The following KANK1 variants were observed in gnomAD, a reference collection of about 807,000 sequenced individuals.
KANK1 encodes the protein KN motif and ankyrin repeat domains 1.
KANK1 carries 109 observed loss-of-function variants against 106.2 expected under a neutral mutation model. The ratio of observed to expected loss-of-function variants is 1.03; its 90% CI spans 0.88 to 1.20. KANK1 has a LOEUF of 1.20. KANK1 is among the 50% of genes most tolerant of loss of function. The pLI is 0.00. For synonymous variants in KANK1, 873 were observed against 652.2 expected (o/e 1.34, Z -5.16); for missense variants, 2,399 against 1,710.7 (o/e 1.40, Z -7.10).
chr9:739,267 A>G (rs566985978), intron 8 of KANK1, among the ~76,000 whole-genome samples: 25 of 152,162 alleles, frequency 1.6e-4, no homozygotes, highest in Non-Finnish European at 3.1e-4. Flanking sequence ...ACATATTTTT[A>G]TTTCTAGTAT....
chr9:589,722 T>C (rs1316598028), intron 1 of KANK1, among the ~76,000 whole-genome samples: 1 of 152,034 alleles, frequency 6.6e-6, no homozygotes, highest in Non-Finnish European at 1.5e-5. Context: ...GGCTGAAGGA[T>C]TGTGGCCTGA....
chr9:562,441 A>T (rs10975162), intron 1 of KANK1, among the ~76,000 whole-genome samples: 1 of 152,074 alleles, frequency 6.6e-6, no homozygotes, highest in South Asian at 2.1e-4. Context: ...GCTCTAGATC[A>T]TGTTCCCAGT....
intron 3 of KANK1, among the ~76,000 whole-genome samples, chr9:473,920 G>A (rs570092852): frequency 2.0e-4 from 30 of 152,180 alleles, no homozygotes; most frequent in Admixed American, 5.2e-4. Context: ...GGATGGTCTC[G>A]ATCTCTTGAC....
chr9:615,211 T>C (rs1422747376), intron 1 of KANK1, among the ~76,000 whole-genome samples: 12 of 152,174 alleles, frequency 7.9e-5, no homozygotes, highest in African/African-American at 2.2e-4. Flanking sequence ...GCTGGGATTA[T>C]AGTCTTGAGC....
intron 2 of KANK1, among the ~76,000 whole-genome samples, chr9:690,221 G>C (rs1819579375): frequency 6.7e-6 from 1 of 150,068 alleles, no homozygotes; most frequent in South Asian, 2.1e-4. Context: ...CAGGAGAATT[G>C]GTTGAACCCG....
chr9:627,135 A>G (rs901692110), intron 1 of KANK1, among the ~76,000 whole-genome samples: 23 of 152,204 alleles, frequency 1.5e-4, no homozygotes, highest in Admixed American at 1.3e-4. Context: ...TGGGAAATCT[A>G]GAATCATGAA....
chr9:700,529 A>T (rs1312523113), intron 2 of KANK1, among the ~76,000 whole-genome samples: 1 of 152,180 alleles, frequency 6.6e-6, no homozygotes, highest in East Asian at 1.9e-4. Flanking sequence ...TCTCTTCCTG[A>T]GTTCATCCTA....
At chr9:499,302 A>T (rs183797619) in intron 3 of KANK1, among the ~76,000 whole-genome samples, 27 of 152,344 alleles carry the variant, frequency 1.8e-4, no homozygotes, top group Admixed American at 1.6e-3. Flanking sequence ...TCATAGCAGC[A>T]TTATTAATAA....
intron 1 of KANK1, among the ~76,000 whole-genome samples, chr9:616,150 T>A (rs1831776124): frequency 6.6e-6 from 1 of 152,206 alleles, no homozygotes; most frequent in South Asian, 2.1e-4. Flanking sequence ...ATCAACAAGA[T>A]GAAATTTTCA....
chr9:587,319 G>A (rs971211957), intron 1 of KANK1, among the ~76,000 whole-genome samples: 4 of 152,058 alleles, frequency 2.6e-5, no homozygotes, highest in African/African-American at 9.7e-5. Flanking sequence ...TGAAATATGA[G>A]CAAGCTGTTT....
chr9:510,328 A>G (rs1038347951), intron 1 of KANK1, among the ~76,000 whole-genome samples: 8 of 152,200 alleles, frequency 5.3e-5, no homozygotes, highest in Admixed American at 2.0e-4. Flanking sequence ...GAAAGGATAT[A>G]AGAAGGATCA....
At chr9:535,609 C>T (rs1222952252) in intron 1 of KANK1, among the ~76,000 whole-genome samples, 2 of 152,314 alleles carry the variant, frequency 1.3e-5, no homozygotes, top group South Asian at 4.1e-4. Context: ...ATGAAACAGA[C>T]AATACAGTAC....
At chr9:655,091 C>T (rs1006610481) in intron 1 of KANK1, among the ~76,000 whole-genome samples, 4 of 152,052 alleles carry the variant, frequency 2.6e-5, no homozygotes, top group Middle Eastern at 3.2e-3. Context: ...ATCATCCAGC[C>T]GGGCGTGGTA....
chr9:474,220 T>G (rs570113722), intron 3 of KANK1, among the ~76,000 whole-genome samples: 2 of 152,260 alleles, frequency 1.3e-5, no homozygotes, highest in South Asian at 2.1e-4. Context: ...AGCAATGACA[T>G]TGAGTCTAAA....
chr9:610,512 A>G (rs1830315457), intron 1 of KANK1, among the ~76,000 whole-genome samples: 1 of 152,210 alleles, frequency 6.6e-6, no homozygotes, highest in Non-Finnish European at 1.5e-5. Flanking sequence ...GATAAGCCAT[A>G]GAGGTGTCCA....
At chr9:574,866 A>G (rs919542660) in intron 1 of KANK1, among the ~76,000 whole-genome samples, 17 of 151,814 alleles carry the variant, frequency 1.1e-4, no homozygotes. Flanking sequence ...AAAAAAAAAA[A>G]AAAAGAAAAA....
chr9:640,688 C>T (rs950279655), intron 1 of KANK1, among the ~76,000 whole-genome samples: 13 of 150,982 alleles, frequency 8.6e-5, no homozygotes, highest in African/African-American at 2.5e-4. Context: ...TGAGCCACCA[C>T]GCCCGGCCTA....
At chr9:604,666 A>C (rs1474779066) in intron 1 of KANK1, among the ~76,000 whole-genome samples, 1 of 151,698 alleles carries the variant, frequency 6.6e-6, no homozygotes, top group Non-Finnish European at 1.5e-5. Flanking sequence ...ACCTGTCTCT[A>C]CTGAAAAAAC....
chr9:636,635 A>G (rs948872110), intron 1 of KANK1, among the ~76,000 whole-genome samples: 1 of 152,240 alleles, frequency 6.6e-6, no homozygotes, highest in South Asian at 2.1e-4. Context: ...TGGGAGGCCA[A>G]GGCAGGCGGA....
Sources: allele counts gnomAD v4.1 joint callset (sites outside exome capture counted in the v4.1 genomes callset), GRCh38; gene constraint gnomAD v4.1.1; transcripts MANE v1.5; gene names NCBI Gene and HGNC (gene_info 2026-07-23, HGNC 2026-07-21).